The following ARHGAP21 variants were observed in gnomAD, a reference collection of about 807,000 sequenced individuals.
ARHGAP21 encodes the protein rho GTPase-activating protein 21.
Under a neutral mutation model 164.6 loss-of-function variants are expected in ARHGAP21, and 38 were observed. The ratio of observed to expected loss-of-function variants is 0.23; its 90% CI spans 0.18 to 0.30. The LOEUF is 0.30. ARHGAP21 is among the 10% of genes least tolerant of loss of function. ARHGAP21 has a pLI of 1.00. For synonymous variants in ARHGAP21, 766 were observed against 857.9 expected (o/e 0.89, Z 1.87); for missense variants, 1,822 against 2,370.7 (o/e 0.77, Z 4.81).
intron 4 of ARHGAP21, among the ~76,000 whole-genome samples, chr10:24,644,382 T>TA (rs1565085600): frequency 1.3e-5 from 2 of 152,228 alleles, no homozygotes; most frequent in Admixed American, 6.5e-5. Context: ...TACCTTCAGT[T>TA]ACCTCTAATT....
chr10:24,597,010 A>G, intron 16 of ARHGAP21, 128 bp from the exon 17 acceptor site: 3 of 975,132 alleles, frequency 3.1e-6, no homozygotes, highest in Non-Finnish European at 2.9e-6. Flanking sequence ...TACATCCTAT[A>G]TTTAACAAAA....
intron 2 of ARHGAP21, among the ~76,000 whole-genome samples, chr10:24,709,028 G>A (rs1005198434): frequency 1.3e-5 from 2 of 151,954 alleles, no homozygotes; most frequent in African/African-American, 4.8e-5. Flanking sequence ...TTGTAACAAA[G>A]AAAAGAGAGA....
At chr10:24,722,990 T>C (rs1846082684) in intron 1 of ARHGAP21, among the ~76,000 whole-genome samples, 1 of 151,284 alleles carries the variant, frequency 6.6e-6, no homozygotes, top group African/African-American at 2.4e-5. Flanking sequence ...TGTGGCCACC[T>C]AGGGGGAAAA....
intron 2 of ARHGAP21, among the ~76,000 whole-genome samples, chr10:24,697,179 G>C (rs959442425): frequency 6.6e-6 from 1 of 152,060 alleles, no homozygotes; most frequent in South Asian, 2.1e-4. Context: ...GACCCAGATG[G>C]GGCAAAACTC....
rs1264459359 is a variant in ARHGAP21, at chr10:24,602,109, G to A, written c.2722-6C>T. On this transcript the variant is annotated splice_region_variant and splice_polypyrimidine_tract_variant and intron_variant, in intron 12 of 25. Transcript: ENST00000396432. ...GACTTTTGGCTGTCTGCGATCTATA[G>A]AAAAGACCAAGAAAACAGTAAAATG... The A allele has an allele frequency of 3.1e-6, 5 of 1,611,000 alleles. No homozygotes were observed. The Admixed American group carries it at 6.8e-5, about 22-fold the overall frequency.
intron 9 of ARHGAP21, among the ~76,000 whole-genome samples, chr10:24,616,101 C>T (rs1197452470): frequency 6.6e-6 from 1 of 152,082 alleles, no homozygotes; most frequent in Non-Finnish European, 1.5e-5. Flanking sequence ...TTTAAATTAC[C>T]TCACATCGTT....
At chr10:24,660,770 ATCC>A (rs1839605075) in intron 4 of ARHGAP21, among the ~76,000 whole-genome samples, 1 of 152,174 alleles carries the variant, frequency 6.6e-6, no homozygotes, top group African/African-American at 2.4e-5. Context: ...ATAGCCTAAA[ATCC>A]TCCTCTCTGA....
chr10:24,639,833 GAGAAAGCCTA>G lies in ARHGAP21; in HGVS notation c.269-4740_269-4731del, dbSNP rs527512771. Among the ~76,000 whole-genome samples, 296 of 151,992 alleles carry G rather than the reference GAGAAAGCCTA, an allele frequency of 1.9e-3. 3 individuals carry two copies. Among genetic ancestry groups the G allele is most frequent in the African/African-American group, 6.9e-3 (286 of 41,466 alleles). On this transcript the variant is annotated intron_variant, in intron 4 of 25. Coordinates refer to ENST00000396432, the MANE Select transcript of ARHGAP21 (RefSeq NM_020824.4). The stretch of plus-strand genomic sequence containing the variant: ...AAATCTCTAGTGACCTCCTTCTTTG[GAGAAAGCCTA>G]AGACAAAATCATTTGCAACATCTAA...
chr10:24,714,955 G>A (rs540100110), intron 2 of ARHGAP21, among the ~76,000 whole-genome samples: 62 of 151,626 alleles, frequency 4.1e-4, no homozygotes, highest in African/African-American at 9.9e-4. Context: ...GCATGAGCCC[G>A]CGAGGCAGAG....
intron 2 of ARHGAP21, among the ~76,000 whole-genome samples, chr10:24,720,892 T>C (rs1284105922): frequency 2.3e-4 from 35 of 151,516 alleles, no homozygotes; most frequent in Non-Finnish European, 2.9e-5. Context: ...AGGATAACAA[T>C]ATTCAGTCTA....
At chr10:24,702,426 T>C (rs1843773240) in intron 2 of ARHGAP21, among the ~76,000 whole-genome samples, 1 of 152,112 alleles carries the variant, frequency 6.6e-6, no homozygotes, top group East Asian at 1.9e-4. Flanking sequence ...CCACCACGCC[T>C]GGCCAATACC....
In ARHGAP21 at chr10:24,683,620, T is replaced by G. The variant is rs151311701; in HGVS notation, c.64-13223A>C. Reference sequence around the variant, plus strand: ...AATCCTCCCACCTCAGCCTAGGGTATGTCTTTATAGTATAATGCCAGAAGA... The same window carrying G: ...AATCCTCCCACCTCAGCCTAGGGTAGGTCTTTATAGTATAATGCCAGAAGA... On this transcript the variant is annotated intron_variant, in intron 2 of 25. Transcript: ENST00000396432. 1.5e-3 allele frequency among the ~76,000 whole-genome samples: 231 copies of G among 152,254 alleles called. 5 individuals carry two copies. The East Asian group carries it at 0.038, about 25-fold the overall frequency.
intron 2 of ARHGAP21, among the ~76,000 whole-genome samples, chr10:24,721,427 C>T (rs1286412076): frequency 6.6e-6 from 1 of 152,212 alleles, no homozygotes; most frequent in Non-Finnish European, 1.5e-5. Flanking sequence ...ACTAGCTGCC[C>T]TCTCTGCACC....
At chr10:24,687,971 T>C (rs1842371688) in intron 2 of ARHGAP21, among the ~76,000 whole-genome samples, 1 of 152,388 alleles carries the variant, frequency 6.6e-6, no homozygotes. Context: ...TAAGTTAATT[T>C]TGAGTTATCA....
chr10:24,588,486 T>C (rs376049029), intron 25 of ARHGAP21, among the ~76,000 whole-genome samples: 17 of 146,778 alleles, frequency 1.2e-4, no homozygotes, highest in African/African-American at 3.0e-4. Context: ...TCACAAGTAA[T>C]AGAGACATGA....
chr10:24,625,464 A>T (rs889004276), intron 7 of ARHGAP21, among the ~76,000 whole-genome samples: 4 of 152,186 alleles, frequency 2.6e-5, no homozygotes, highest in African/African-American at 7.2e-5. Context: ...ATGCCAGCAT[A>T]GGGAATGGGA....
chr10:24,682,247 G>T (rs1841839990), intron 2 of ARHGAP21, among the ~76,000 whole-genome samples: 1 of 152,060 alleles, frequency 6.6e-6, no homozygotes, highest in South Asian at 2.1e-4. Flanking sequence ...ACAAAATCTT[G>T]AATATCCATA....
intron 6 of ARHGAP21, among the ~76,000 whole-genome samples, chr10:24,631,106 C>T (rs1000379397): frequency 2.0e-5 from 3 of 152,220 alleles, no homozygotes; most frequent in African/African-American, 2.4e-5. Context: ...AGGTGCCGGG[C>T]GAAGTGGCTT....
chr10:24,678,964 T>G (rs1841524727), intron 2 of ARHGAP21, among the ~76,000 whole-genome samples: 1 of 152,242 alleles, frequency 6.6e-6, no homozygotes, highest in South Asian at 2.1e-4. Context: ...ATTGCTGAGT[T>G]GTATTCCATG....
Sources: gnomAD v4.1 joint callset for allele counts (sites outside exome capture counted in the v4.1 genomes callset) on GRCh38, gnomAD v4.1.1 for gene constraint, MANE v1.5 for transcripts, NCBI Gene and HGNC (gene_info 2026-07-23, HGNC 2026-07-21) for gene names.